The following NUMA1 variants were observed in gnomAD, a reference collection of about 807,000 sequenced individuals.
NUMA1 encodes the protein nuclear mitotic apparatus protein 1, also known as SP-H antigen.
A neutral mutation model predicts 237.1 loss-of-function variants in NUMA1; 62 were observed. That is an observed-to-expected ratio of 0.26 (90% CI 0.21 to 0.32). The LOEUF is 0.32. NUMA1 is among the 10% of genes least tolerant of loss of function. NUMA1 has a pLI of 1.00. For missense variants in NUMA1, 2,533 were observed against 2,666.5 expected (o/e 0.95, Z 1.10); for synonymous variants, 1,028 against 1,066.1 (o/e 0.96, Z 0.70).
intron 2 of NUMA1, among the ~76,000 whole-genome samples, chr11:72,046,594 GGAGAGA>G (rs138787982): frequency 1.3e-5 from 2 of 149,520 alleles, no homozygotes; most frequent in South Asian, 2.1e-4. Flanking sequence ...GCGGGGAGAG[GGAGAGA>G]GAGAGAGAGA....
intron 2 of NUMA1, among the ~76,000 whole-genome samples, chr11:72,048,539 T>C (rs557259205): frequency 6.6e-6 from 1 of 152,022 alleles, no homozygotes; most frequent in East Asian, 1.9e-4. Flanking sequence ...GCCGGTCTAA[T>C]TTTTTTTATT....
intron 3 of NUMA1, among the ~76,000 whole-genome samples, chr11:72,032,686 T>C (rs947447268): frequency 6.6e-6 from 1 of 152,240 alleles, no homozygotes; most frequent in Non-Finnish European, 1.5e-5. Context: ...AGTCAGGGCA[T>C]AAAACATGAG....
chr11:72,007,097 C>T, intron 21 of NUMA1, 92 bp downstream of exon 21: 1 of 1,469,642 alleles, frequency 6.8e-7, no homozygotes, highest in South Asian at 1.2e-5. Context: ...GCTGCTCATC[C>T]CTCCCTGCTC....
chr11:72,060,931 G>A (rs1244464870), intron 2 of NUMA1, among the ~76,000 whole-genome samples: 6 of 152,230 alleles, frequency 3.9e-5, no homozygotes, highest in African/African-American at 7.2e-5. Context: ...TTAGCTGGCC[G>A]TGGTGGCGTG....
rs58179034 is a variant in NUMA1 at position 72,073,306 on chromosome 11, CAAAAAA to C, written c.-102-3401_-102-3396del. 8.0e-3 allele frequency among the ~76,000 whole-genome samples: 553 copies of C among 69,304 alleles called. 4 individuals are homozygous for C. The highest frequency in any genetic ancestry group is 0.025 in the African/African-American group (534 of 21,300). 45.5% of individuals were successfully genotyped at this position (69,304 alleles called of 152,430 possible). On this transcript the variant is annotated intron_variant, in intron 1 of 26. Coordinates refer to ENST00000393695, the MANE Select transcript of NUMA1 (RefSeq NM_006185.4). ...TGGGTGACAGAGCGAGACCCTGTCT[CAAAAAA>C]AAAAAAAAAAAAGTTGCCCACAGTA...
intron 2 of NUMA1, among the ~76,000 whole-genome samples, chr11:72,038,674 C>G (rs1198346463): frequency 6.6e-6 from 1 of 152,080 alleles, no homozygotes; most frequent in Non-Finnish European, 1.5e-5. Flanking sequence ...CAGGCCCCAC[C>G]CAGTACACTG....
At chr11:72,018,544 A>T (rs757779954) in intron 10 of NUMA1, 31 bp from the exon 11 acceptor site, 4 of 1,572,968 alleles carry the variant, frequency 2.5e-6, no homozygotes, top group Non-Finnish European at 3.5e-6. Context: ...AGGAGAGGAG[A>T]ATCAGAACTA....
rs148028476 is a variant in NUMA1 at position 72,013,560 on chromosome 11, G to C, written c.3943C>G (p.Leu1315Val). The C allele has an allele frequency of 2.1e-5, 34 of 1,613,284 alleles. No homozygotes were observed. Among genetic ancestry groups the C allele is most frequent in the Middle Eastern group, 3.3e-4 (2 of 6,084 alleles). The change falls in exon 15 of 27, where the codon CTG becomes GTG. Residue 1315 changes from leucine (L) to valine (V), a missense_variant. Physicochemically the swap from Leu to Val is conservative, Grantham distance 32. Coordinates refer to ENST00000393695, the MANE Select transcript of NUMA1 (RefSeq NM_006185.4). The surrounding 1 kb of genome is among the most constrained non-coding windows in gnomAD (Gnocchi z 6.8). ...RVASENLRQE[L>V]TSQAERAEEL... is the part of the protein sequence containing the mutation. ...TCCGCACGCTCAGCCTGTGAGGTCA[G>C]CTCCTGCCGCAGGTTCTCTGAAGCC...
At chr11:72,080,093 G>A (rs968050533) in intron 1 of NUMA1, among the ~76,000 whole-genome samples, 47 of 152,136 alleles carry the variant, frequency 3.1e-4, no homozygotes, top group Admixed American at 3.3e-4. Flanking sequence ...AGAAAATGCT[G>A]ACTACTGCAC....
At chr11:72,024,443 G>T in intron 4 of NUMA1, 90 bp from the exon 5 acceptor site, 1 of 1,140,380 alleles carries the variant, frequency 8.8e-7, no homozygotes, top group Non-Finnish European at 1.3e-6. Flanking sequence ...ATTCCTTCCA[G>T]TCTTGATCTC....
At chr11:72,004,940 G>A (rs748343562) in intron 23 of NUMA1, 124 bp from the exon 24 acceptor site, 2 of 1,012,912 alleles carry the variant, frequency 2.0e-6, no homozygotes, top group Non-Finnish European at 2.8e-6. Flanking sequence ...GCCTCACGAG[G>A]TAGAAAGACA....
At chr11:72,034,650 G>A (rs984378833) in intron 3 of NUMA1, among the ~76,000 whole-genome samples, 3 of 151,930 alleles carry the variant, frequency 2.0e-5, no homozygotes, top group Non-Finnish European at 4.4e-5. Context: ...AGAGGTTGCA[G>A]TGAGCCGAGA....
chr11:72,005,469 A>T (rs1405181947), intron 22 of NUMA1, 100 bp from the exon 23 acceptor site: 2 of 1,140,506 alleles, frequency 1.8e-6, no homozygotes, highest in Non-Finnish European at 2.6e-6. Flanking sequence ...TACCCCATAA[A>T]CTTGAAGCCC....
chr11:72,005,649 G>A (rs764928061), intron 22 of NUMA1: 7 of 514,240 alleles, frequency 1.4e-5, no homozygotes, highest in African/African-American at 1.2e-4. Flanking sequence ...AACACCCAGA[G>A]GAACAAATTA....
rs777742527 is a variant in NUMA1 at position 72,009,009 on chromosome 11, G to A, written c.5016C>T (p.Thr1672=). 3 of 1,613,764 alleles carry A rather than the reference G, an allele frequency of 1.9e-6. No homozygotes were observed. Among genetic ancestry groups the A allele is most frequent in the African/African-American group, 2.7e-5 (2 of 74,914 alleles). ...GCACCTGGGCAGTAAGGTGGCGGCA[G>A]GTCTGTTCAGCCTCCTTGGTCTTCA... The part of the protein sequence containing the change: ...AGLKTKEAEQ[T]CRHLTAQVRS... The change falls in exon 19 of 27, where the codon ACC becomes ACT. Residue 1672 remains threonine, a synonymous_variant. Transcript: ENST00000393695.
Position 72,015,464 on chromosome 11 carries a change from A to G in NUMA1, c.2039T>C (p.Leu680Pro). 1 of 1,612,382 alleles carries G rather than the reference A, an allele frequency of 6.2e-7. No individual in the cohort carries two copies. The highest frequency in any genetic ancestry group is 8.5e-7 in the Non-Finnish European group (1 of 1,180,010). The part of the protein sequence containing the change: ...QAQVAELELQ[L>P]RSEQQKATEK... ...AGTTGCTTTTTGCTGCTCAGACCGCAGCTGCAACTCTAGCTCTGCAACCTG... is the reference window on the plus strand; with the variant it reads ...AGTTGCTTTTTGCTGCTCAGACCGCGGCTGCAACTCTAGCTCTGCAACCTG... The change falls in exon 15 of 27, where the codon CTG (leucine) becomes CCG (proline). Residue 680 changes from leucine (L) to proline (P), a missense_variant. This residue lies in a region of NUMA1 where 1,414 missense variants were observed against 1,508.1 expected (regional missense o/e 0.94). Transcript: ENST00000393695. The surrounding 1 kb of genome is among the most constrained non-coding windows in gnomAD (Gnocchi z 4.0).
At chr11:72,005,120 C>A in intron 23 of NUMA1, 113 bp downstream of exon 23, 1 of 1,232,440 alleles carries the variant, frequency 8.1e-7, no homozygotes. Context: ...GGTCACCCTC[C>A]CCCTCCTCGG....
At chr11:72,033,303 G>C (rs1029440104) in intron 3 of NUMA1, among the ~76,000 whole-genome samples, 2 of 151,906 alleles carry the variant, frequency 1.3e-5, no homozygotes, top group Admixed American at 1.3e-4. Context: ...AGGGACTACA[G>C]GTGTGCACTA....
rs1399826711 is a variant in NUMA1 at position 72,056,641 on chromosome 11, A to T, written c.-33+13201T>A. ...GACCAAGATCCCATCTCTTTAAAAAAAAAAAAAAAAAAAAAAAAAGGCAAG... is the reference window on the plus strand; with the variant it reads ...GACCAAGATCCCATCTCTTTAAAAATAAAAAAAAAAAAAAAAAAAGGCAAG... On this transcript the variant is annotated intron_variant, in intron 2 of 26. Coordinates refer to ENST00000393695, the MANE Select transcript of NUMA1 (RefSeq NM_006185.4). Among the ~76,000 whole-genome samples, 35 of 52,876 alleles carry T rather than the reference A, an allele frequency of 6.6e-4. 2 individuals carry two copies. The highest frequency in any genetic ancestry group is 1.7e-3 in the African/African-American group (34 of 19,692). 34.7% of individuals were successfully genotyped at this position (52,876 alleles called of 152,430 possible). A position where few individuals can be genotyped will look rare whatever the true frequency, so the allele number is the denominator to read the frequency against.
Sources: gnomAD v4.1 joint callset for allele counts (sites outside exome capture counted in the v4.1 genomes callset) on GRCh38, gnomAD v4.1.1 for gene constraint, gnomAD v4.1.1 regional missense constraint, Gnocchi (gnomAD v3.1) non-coding constraint, MANE v1.5 for transcripts, NCBI Gene and HGNC (gene_info 2026-07-23, HGNC 2026-07-21) for gene names.